Variants in PTK2 observed in about 807,000 individuals in gnomAD.
The protein encoded by PTK2 is focal adhesion kinase 1.
In PTK2, 45 loss-of-function variants were observed where a neutral mutation model predicts 150.1. The observed-to-expected ratio is 0.30, with a 90% CI of 0.24 to 0.38. The LOEUF is 0.38. Among genes scored for constraint, PTK2 ranks in the 10% least tolerant of loss-of-function variants. The pLI, the probability that PTK2 is intolerant of heterozygous loss-of-function variation, is 1.00. For synonymous variants in PTK2, 432 were observed against 449.2 expected, an observed-to-expected ratio of 0.96 and a Z score of 0.48; for missense variants, 919 against 1,307.3, an observed-to-expected ratio of 0.70 and a Z score of 4.58.
intron 4 of PTK2, among the ~76,000 whole-genome samples, chr8:140,865,328 T>C (rs1268441975): frequency 6.6e-6 from 1 of 152,228 alleles, no homozygotes; most frequent in Non-Finnish European, 1.5e-5. Context: ...CCTCCCAAAG[T>C]GCTGGGATTA....
intron 1 of PTK2, among the ~76,000 whole-genome samples, chr8:140,982,565 C>G (rs537640750): frequency 1.3e-5 from 2 of 152,216 alleles, no homozygotes; most frequent in East Asian, 3.9e-4. Context: ...CCACTGTACT[C>G]CAGCCTGGGC....
intron 7 of PTK2, among the ~76,000 whole-genome samples, chr8:140,842,126 TAAAAC>T (rs1432300660): frequency 1.3e-5 from 2 of 152,108 alleles, no homozygotes; most frequent in Non-Finnish European, 2.9e-5. Flanking sequence ...ACACAAGTGT[TAAAAC>T]AGAGAGCTAT....
chr8:140,666,456 CA>C (rs1397977655), intron 30 of PTK2, among the ~76,000 whole-genome samples: 2 of 151,894 alleles, frequency 1.3e-5, no homozygotes, highest in African/African-American at 2.4e-5. Context: ...AAAAACTTGA[CA>C]TTTTTCCAAA....
intron 14 of PTK2, among the ~76,000 whole-genome samples, chr8:140,787,445 A>T (rs940708001): frequency 9.9e-5 from 15 of 152,232 alleles, no homozygotes; most frequent in African/African-American, 3.1e-4. Flanking sequence ...ATAAAATGCC[A>T]GCTAACTTTA....
At chr8:140,805,272 C>G (rs2100097542) in intron 10 of PTK2, among the ~76,000 whole-genome samples, 2 of 152,074 alleles carry the variant, frequency 1.3e-5, no homozygotes, top group African/African-American at 4.8e-5. Context: ...TAAAAAGCAT[C>G]ATATTTGGCC....
intron 16 of PTK2, among the ~76,000 whole-genome samples, chr8:140,754,308 T>C (rs1339285860): frequency 6.6e-6 from 1 of 152,220 alleles, no homozygotes; most frequent in African/African-American, 2.4e-5. Flanking sequence ...TTTACAACCT[T>C]AGAATCATTA....
chr8:140,718,367 C>T (rs2100040922), intron 22 of PTK2: 1 of 152,208 alleles, frequency 6.6e-6, no homozygotes, highest in South Asian at 2.1e-4. Flanking sequence ...ACGCTGCAGC[C>T]GCTGCAGCGA....
At chr8:140,949,957 A>G (rs768775675) in intron 1 of PTK2, among the ~76,000 whole-genome samples, 3 of 151,934 alleles carry the variant, frequency 2.0e-5, no homozygotes, top group Non-Finnish European at 2.9e-5. Flanking sequence ...TTCTGAGCCC[A>G]TAAAAACCCC....
At chr8:140,771,183 G>C (rs1175196457) in intron 14 of PTK2, 4 of 153,036 alleles carry the variant, frequency 2.6e-5, no homozygotes, top group African/African-American at 9.6e-5. Context: ...AAAAATAGCA[G>C]ATCTTCATTT....
chr8:140,922,497 G>C (rs1003863446), intron 2 of PTK2, among the ~76,000 whole-genome samples: 2 of 152,106 alleles, frequency 1.3e-5, no homozygotes, highest in Non-Finnish European at 2.9e-5. Flanking sequence ...GGAAGGATAA[G>C]AGCACATCCA....
chr8:140,736,996 A>G (rs1052212614), intron 21 of PTK2, among the ~76,000 whole-genome samples: 1 of 152,226 alleles, frequency 6.6e-6, no homozygotes, highest in Non-Finnish European at 1.5e-5. Context: ...AGAATTTCAA[A>G]GTAAAGAGTA....
At chr8:140,927,007 T>C (rs1262624020) in intron 1 of PTK2, among the ~76,000 whole-genome samples, 1 of 152,248 alleles carries the variant, frequency 6.6e-6, no homozygotes, top group African/African-American at 2.4e-5. Context: ...TTAACTGCTG[T>C]AATTGCTTTT....
rs562334962 is a variant in PTK2, at chr8:140,946,787, A to C, written c.-121-21038T>G. Reference sequence around the variant, plus strand: ...CTCATTTGCTTATTATTTTTTTATTATCTGCTTCCCTACACTATACAGACT... The same window carrying C: ...CTCATTTGCTTATTATTTTTTTATTCTCTGCTTCCCTACACTATACAGACT... On this transcript the variant is annotated intron_variant, in intron 1 of 31. Transcript: ENST00000522684. 7.6e-4 allele frequency among the ~76,000 whole-genome samples: 115 copies of C among 151,102 alleles called. 1 individual carries two copies. Among genetic ancestry groups the C allele is most frequent in the African/African-American group, 2.6e-3 (107 of 41,138 alleles).
intron 30 of PTK2, 41 bp downstream of exon 34, chr8:140,668,228 C>T: frequency 6.2e-7 from 1 of 1,611,500 alleles, no homozygotes; most frequent in Non-Finnish European, 8.5e-7. Context: ...TTACAGGAAA[C>T]AAGAACATTT....
intron 29 of PTK2, chr8:140,668,805 T>C (rs1485673538): frequency 5.7e-6 from 1 of 174,062 alleles, no homozygotes; most frequent in African/African-American, 2.4e-5. Flanking sequence ...GGCTAAAGAG[T>C]CAAACATTCT....
intron 14 of PTK2, among the ~76,000 whole-genome samples, chr8:140,784,612 C>T (rs1012534175): frequency 6.6e-5 from 10 of 152,138 alleles, no homozygotes; most frequent in African/African-American, 2.4e-4. Context: ...CCTCCTCTTT[C>T]AGCATACTTA....
chr8:140,669,850 G>A (rs2094596394), intron 29 of PTK2, 115 bp from the exon 33 acceptor site: 8 of 1,195,008 alleles, frequency 6.7e-6, no homozygotes, highest in Non-Finnish European at 8.2e-6. Context: ...CACATGAGCA[G>A]AACAAAAAGG....
intron 1 of PTK2, chr8:140,940,448 CA>C (rs59952163): frequency 6.9e-5 from 10 of 144,084 alleles, no homozygotes; most frequent in Non-Finnish European, 7.6e-5. Context: ...GACTCTGTCT[CA>C]AAAAAAAAAG....
chr8:140,876,449 C>T lies in PTK2; in HGVS notation c.362+3022G>A, dbSNP rs938030930. Among the ~76,000 whole-genome samples, 15 of 152,314 alleles carry T rather than the reference C, an allele frequency of 9.8e-5. No individual in the cohort carries two copies. The South Asian group carries it at 1.7e-3, about 17-fold the overall frequency. On this transcript the variant is annotated intron_variant, in intron 4 of 31. Coordinates refer to ENST00000522684, the Ensembl canonical transcript of PTK2. ...AAAGTCTGAATTTTTCTCTGGGTGT[C>T]ATCCTGTCTTGTTCTCTGGTACAAC... is the stretch of plus-strand genomic sequence containing the variant.
Sources: gnomAD v4.1 joint callset for allele counts (sites outside exome capture counted in the v4.1 genomes callset) on GRCh38, gnomAD v4.1.1 for gene constraint, MANE v1.5 for transcripts, NCBI Gene and HGNC (gene_info 2026-07-23, HGNC 2026-07-21) for gene names.